The following DPP10 variants were observed in gnomAD, a reference collection of about 807,000 sequenced individuals.
DPP10 encodes inactive dipeptidyl peptidase 10.
Under a neutral mutation model 120.9 loss-of-function variants are expected in DPP10, and 33 were observed. The ratio of observed to expected loss-of-function variants is 0.27; its 90% confidence interval spans 0.21 to 0.37. The LOEUF is 0.37. Ranked by LOEUF, DPP10 falls within the 10% of genes least tolerant of loss-of-function variation. The pLI, the probability that DPP10 is intolerant of heterozygous loss-of-function variation, is 1.00. For synonymous variants in DPP10, 337 were observed against 326.1 expected, an observed-to-expected ratio of 1.03 and a Z score of -0.36; for missense variants, 816 against 942.8, an observed-to-expected ratio of 0.87 and a Z score of 1.76.
intron 5 of DPP10, among the ~76,000 whole-genome samples, chr2:115,539,879 A>G (rs2079078208): frequency 6.6e-6 from 1 of 151,826 alleles, no homozygotes; most frequent in South Asian, 2.1e-4. Flanking sequence ...ATATTTGCTA[A>G]TATTTTCTAA....
At chr2:115,716,880 A>G (rs1345013304) in intron 7 of DPP10, among the ~76,000 whole-genome samples, 1 of 152,190 alleles carries the variant, frequency 6.6e-6, no homozygotes, top group Non-Finnish European at 1.5e-5. Context: ...CAGCCTGCCC[A>G]TAAACTGGAA....
At chr2:115,624,266 G>C (rs2085193571) in intron 5 of DPP10, among the ~76,000 whole-genome samples, 1 of 151,942 alleles carries the variant, frequency 6.6e-6, no homozygotes, top group Admixed American at 6.6e-5. Flanking sequence ...GAAGTGTTTT[G>C]GTTCTCAAAG....
intron 1 of DPP10, among the ~76,000 whole-genome samples, chr2:114,650,020 A>G (rs963401950): frequency 1.3e-5 from 2 of 152,148 alleles, no homozygotes; most frequent in Admixed American, 6.5e-5. Context: ...TTTTCAAAAT[A>G]TTATTGGCCA....
intron 1 of DPP10, among the ~76,000 whole-genome samples, chr2:114,864,388 CAA>C (rs1434075216): frequency 1.3e-5 from 2 of 152,052 alleles, no homozygotes; most frequent in Admixed American, 6.5e-5. Context: ...TGAATGGAGA[CAA>C]CAATATTAAC....
intron 21 of DPP10, among the ~76,000 whole-genome samples, chr2:115,827,892 C>T (rs577281493): frequency 3.9e-4 from 59 of 151,956 alleles, no homozygotes; most frequent in South Asian, 1.0e-3. Context: ...CCACTGCACC[C>T]GGCCTAAAAG....
intron 3 of DPP10, among the ~76,000 whole-genome samples, chr2:115,496,182 G>T (rs182462036): frequency 4.0e-4 from 61 of 151,260 alleles, no homozygotes; most frequent in African/African-American, 1.3e-3. Flanking sequence ...AGATTATAAA[G>T]AACAAAAAAA....
chr2:114,983,474 T>G (rs1700209186), intron 1 of DPP10, among the ~76,000 whole-genome samples: 2 of 152,162 alleles, frequency 1.3e-5, no homozygotes, highest in Admixed American at 6.5e-5. Context: ...TATAGGACAT[T>G]TTTACTGGTG....
At chr2:115,088,768 A>AAAAAAAAAAAAACAAAAC (rs775985067) in intron 1 of DPP10, among the ~76,000 whole-genome samples, 2 of 134,940 alleles carry the variant, frequency 1.5e-5, no homozygotes, top group East Asian at 4.5e-4. Flanking sequence ...AAAAAAAAAA[A>AAAAAAAAAAAAACAAAAC]ACCAAAAAAC....
intron 1 of DPP10, among the ~76,000 whole-genome samples, chr2:114,805,068 C>A (rs1195585005): frequency 6.6e-6 from 1 of 152,102 alleles, no homozygotes; most frequent in East Asian, 1.9e-4. Context: ...CTCACGAGAT[C>A]TGATGGGTTT....
chr2:115,510,914 T>C (rs2077189236), intron 4 of DPP10, among the ~76,000 whole-genome samples: 1 of 152,152 alleles, frequency 6.6e-6, no homozygotes, highest in South Asian at 2.1e-4. Flanking sequence ...AATAGAATTG[T>C]TTACTCCATT....
chr2:115,331,306 C>T (rs1157924720), intron 2 of DPP10, among the ~76,000 whole-genome samples: 2 of 152,146 alleles, frequency 1.3e-5, no homozygotes, highest in Non-Finnish European at 2.9e-5. Flanking sequence ...TGCTTATCAG[C>T]TTAAGGAGAT....
chr2:114,617,389 G>A (rs541267161), intron 1 of DPP10, among the ~76,000 whole-genome samples: 2 of 152,140 alleles, frequency 1.3e-5, no homozygotes, highest in South Asian at 4.1e-4. Context: ...TAATTGACTT[G>A]AAATTACATA....
intron 1 of DPP10, among the ~76,000 whole-genome samples, chr2:115,209,415 T>C (rs1306401127): frequency 6.6e-6 from 1 of 152,176 alleles, no homozygotes; most frequent in African/African-American, 2.4e-5. Flanking sequence ...CAAACATATA[T>C]ATGCACAAAC....
chr2:114,993,124 G>T (rs1700844348), intron 1 of DPP10, among the ~76,000 whole-genome samples: 1 of 152,100 alleles, frequency 6.6e-6, no homozygotes, highest in African/African-American at 2.4e-5. Flanking sequence ...AGAATCAGCT[G>T]TCACTCTTTG....
At chr2:114,550,984 CA>C (rs1167418198) in intron 1 of DPP10, among the ~76,000 whole-genome samples, 6 of 152,234 alleles carry the variant, frequency 3.9e-5, no homozygotes, top group African/African-American at 1.4e-4. Flanking sequence ...TTGTGAAAAG[CA>C]AGTTAAATGA....
intron 5 of DPP10, among the ~76,000 whole-genome samples, chr2:115,626,881 A>G (rs1575377669): frequency 6.6e-6 from 1 of 152,344 alleles, no homozygotes; most frequent in East Asian, 1.9e-4. Flanking sequence ...ATGAACAGAT[A>G]TTGATTTCTA....
chr2:115,421,535 C>T (rs1342697140), intron 3 of DPP10, among the ~76,000 whole-genome samples: 1 of 151,984 alleles, frequency 6.6e-6, no homozygotes, highest in Admixed American at 6.6e-5. Context: ...GAAGGAATTC[C>T]ATGAGGGACT....
chr2:115,666,305 G>C (rs984016724), intron 5 of DPP10, among the ~76,000 whole-genome samples: 1 of 152,012 alleles, frequency 6.6e-6, no homozygotes, highest in Non-Finnish European at 1.5e-5. Context: ...AATCATGGTG[G>C]AAGGCAAAAG....
chr2:114,886,384 T>C (rs1017903417), intron 1 of DPP10, among the ~76,000 whole-genome samples: 3 of 152,188 alleles, frequency 2.0e-5, no homozygotes, highest in East Asian at 1.9e-4. Context: ...TACTTTATCA[T>C]ACAAATATTT....
Sources: gnomAD v4.1 joint callset for allele counts (sites outside exome capture counted in the v4.1 genomes callset) on GRCh38, gnomAD v4.1.1 for gene constraint, MANE v1.5 for transcripts, NCBI Gene and HGNC (gene_info 2026-07-23, HGNC 2026-07-21) for gene names.